The following TM7SF3 variants were observed in gnomAD, a reference collection of about 807,000 sequenced individuals.
TM7SF3 encodes the protein transmembrane 7 superfamily member 3.
A neutral mutation model predicts 65.5 loss-of-function variants in TM7SF3; 60 were observed. The observed-to-expected ratio is 0.92, with a 90% CI of 0.74 to 1.14. TM7SF3 has a LOEUF of 1.14. Among genes scored for constraint, TM7SF3 ranks in the 50% most tolerant of loss-of-function variants. TM7SF3 has a pLI of 0.00. For synonymous variants in TM7SF3, 264 were observed against 259.6 expected (o/e 1.02, Z -0.16); for missense variants, 623 against 684.8 (o/e 0.91, Z 1.01).
At chr12:26,975,813 G>T in intron 10 of TM7SF3, 155 bp from the exon 11 acceptor site, 1 of 731,534 alleles carries the variant, frequency 1.4e-6, no homozygotes, top group Non-Finnish European at 2.2e-6. Flanking sequence ...TCCCTGGAAA[G>T]ATAAACTGAA....
chr12:26,984,404 T>G (rs2136392643), intron 6 of TM7SF3, among the ~76,000 whole-genome samples: 1 of 150,848 alleles, frequency 6.6e-6, no homozygotes, highest in African/African-American at 2.4e-5. Flanking sequence ...CACTCCAGCC[T>G]GGATGTCGCA....
At chr12:27,013,246 G>T (rs1320281664) in intron 1 of TM7SF3, among the ~76,000 whole-genome samples, 1 of 152,138 alleles carries the variant, frequency 6.6e-6, no homozygotes, top group Non-Finnish European at 1.5e-5. Context: ...CTCTGTAAAC[G>T]AATTAATATC....
At chr12:26,998,084 C>T (rs913870060) in intron 3 of TM7SF3, among the ~76,000 whole-genome samples, 4 of 152,094 alleles carry the variant, frequency 2.6e-5, no homozygotes, top group South Asian at 2.1e-4. Context: ...CAACCTGCTT[C>T]GGCCTCCCAA....
intron 2 of TM7SF3, among the ~76,000 whole-genome samples, chr12:27,001,204 T>C (rs1461606860): frequency 6.6e-6 from 1 of 152,156 alleles, no homozygotes; most frequent in Non-Finnish European, 1.5e-5. Context: ...CATGTGCAGT[T>C]CTGGCCATCA....
chr12:26,988,008 A>G (rs1465322299), intron 6 of TM7SF3, among the ~76,000 whole-genome samples: 1 of 152,202 alleles, frequency 6.6e-6, no homozygotes, highest in African/African-American at 2.4e-5. Flanking sequence ...ACATTCTAAA[A>G]AAAATAAATA....
chr12:26,981,620 ACT>A (rs1939820084), intron 7 of TM7SF3, among the ~76,000 whole-genome samples: 1 of 152,114 alleles, frequency 6.6e-6, no homozygotes, highest in South Asian at 2.1e-4. Flanking sequence ...TCTTTACAAT[ACT>A]CTCTTCCCAA....
rs746160862 is a variant in TM7SF3, at chr12:26,974,155, CCTCT to C, written c.1519_1522del (p.Arg507AspfsTer21). The C allele has an allele frequency of 3.1e-6, 5 of 1,614,018 alleles. No homozygotes were observed. Among genetic ancestry groups the C allele is most frequent in the South Asian group, 1.1e-5 (1 of 91,082 alleles). On this transcript the variant is annotated frameshift_variant, in exon 12 of 12. Transcript: ENST00000343028. LOFTEE classifies it high-confidence loss of function. ...TGGGTGGGGAGGGAAGAACGGTCGT[CCTCT>C]CTCTCTTCGAATCTGTAACGTAATT...
chr12:26,996,830 C>A lies in TM7SF3; in HGVS notation c.430G>T (p.Asp144Tyr), dbSNP rs1027973629. ...TAAATGTTGGGATCAATATCTAAAT[C>A]GAACTCCAAATTACAGCCTCCAGGG... ...PVPGGCNLEF[D>Y]LDIDPNIYLE... The change falls in exon 4 of 12, where the codon GAT (aspartate) becomes TAT (tyrosine). Residue 144 changes from aspartate to tyrosine, a missense_variant. Asp to Tyr is a radical substitution (Grantham distance 160, BLOSUM62 -3). Transcript: ENST00000343028. The A allele has an allele frequency of 4.3e-6, 7 of 1,612,738 alleles. No homozygotes were observed. The East Asian group carries it at 1.3e-4, about 31-fold the overall frequency.
chr12:26,973,968 C>G lies in TM7SF3; in HGVS notation c.1710G>C (p.Leu570=), dbSNP rs747900668. The change falls in exon 12 of 12, where the codon CTG becomes CTC. Residue 570 remains leucine (L), a synonymous_variant. Coordinates refer to ENST00000343028, the MANE Select transcript of TM7SF3 (RefSeq NM_016551.3). ...QPAGERTPLL[L] Reference sequence around the variant, plus strand: ...CACTGACCAAGCCCCTGGGCATCTACAGAAGCAAAGGCGTTCTCTCTCCAG... The same window carrying G: ...CACTGACCAAGCCCCTGGGCATCTAGAGAAGCAAAGGCGTTCTCTCTCCAG... The G allele has an allele frequency of 6.2e-7, 1 of 1,613,770 alleles. No homozygotes were observed. The highest frequency in any genetic ancestry group is 1.1e-5 in the South Asian group (1 of 91,068).
intron 5 of TM7SF3, among the ~76,000 whole-genome samples, chr12:26,990,992 A>G (rs1456083673): frequency 6.6e-6 from 1 of 152,226 alleles, no homozygotes; most frequent in Non-Finnish European, 1.5e-5. Flanking sequence ...TGTACAGCCC[A>G]ATGCCTAACA....
In TM7SF3 at chr12:26,990,453, G is replaced by T; in HGVS notation, c.865C>A (p.Leu289Ile). The change falls in exon 6 of 12, where the codon CTA (leucine) becomes ATA (isoleucine). Residue 289 changes from leucine to isoleucine, a missense_variant. Physicochemically the swap from Leu to Ile is conservative, Grantham distance 5. Transcript: ENST00000343028. ...AAGTTTAAAGCCACATACTCACCTA[G>T]GGAAGCACAACTACCCTCTCCTGCC... is the stretch of plus-strand genomic sequence containing the variant. ...FEAGEGSCASLGRVSSKVFFT... is the reference protein window; with the variant it reads ...FEAGEGSCASIGRVSSKVFFT... 6.2e-7 allele frequency: 1 copy of T among 1,612,406 alleles called. No individual in the cohort carries two copies. The highest frequency in any genetic ancestry group is 1.1e-5 in the South Asian group (1 of 90,836).
At chr12:27,012,658 C>T in intron 1 of TM7SF3, 1 of 456,006 alleles carries the variant, frequency 2.2e-6, no homozygotes, top group South Asian at 1.5e-5. Flanking sequence ...AAGCACAAGA[C>T]TTACAATCTA....
intron 6 of TM7SF3, among the ~76,000 whole-genome samples, chr12:26,985,668 TATATATATATAC>T (rs1448808657): frequency 4.8e-5 from 6 of 124,182 alleles, no homozygotes; most frequent in South Asian, 2.5e-4. Flanking sequence ...TATATATATA[TATATATATATAC>T]ACACACACAA....
At chr12:26,996,230 G>C (rs1474438286) in intron 4 of TM7SF3, among the ~76,000 whole-genome samples, 1 of 151,802 alleles carries the variant, frequency 6.6e-6, no homozygotes, top group East Asian at 1.9e-4. Flanking sequence ...AACCCCTAGG[G>C]AAACTTTCTG....
chr12:27,014,163 C>A lies in TM7SF3; in HGVS notation c.6G>T (p.Gly2=), dbSNP rs200426607. 1.3e-6 allele frequency: 2 copies of A among 1,559,410 alleles called. No individual in the cohort carries two copies. The highest frequency in any genetic ancestry group is 4.8e-5 in the East Asian group (2 of 42,062). The stretch of plus-strand genomic sequence containing the variant: ...CCGCTACGACCAGCAGCTGCAGGAA[C>A]CCCATTGCTGCCTGGGCCGGGCTGG... M[G]FLQLLVVAVL... is the part of the protein sequence containing the mutation. The change falls in exon 1 of 12, where the codon GGG becomes GGT. Residue 2 remains glycine (G), a synonymous_variant. Coordinates refer to ENST00000343028, the MANE Select transcript of TM7SF3 (RefSeq NM_016551.3).
chr12:27,005,287 T>C (rs1164768960), intron 1 of TM7SF3, among the ~76,000 whole-genome samples: 2 of 152,174 alleles, frequency 1.3e-5, no homozygotes, highest in African/African-American at 4.8e-5. Flanking sequence ...TATCCTGCCT[T>C]TTCTAGTCTA....
rs372752187 is a variant in TM7SF3 at position 26,982,924 on chromosome 12, G to A, written c.869-65C>T. On this transcript the variant is annotated intron_variant, in intron 6 of 11. Transcript: ENST00000343028. ...TTGATACTTTGTATTAATATTTATA[G>A]AACGAACCTTCATCAAAAAAGCTAA... is the stretch of plus-strand genomic sequence containing the variant. 1.7e-5 allele frequency: 20 copies of A among 1,164,124 alleles called. No homozygotes were observed. The African/African-American group carries it at 3.1e-4, about 18-fold the overall frequency. 72.1% of individuals were successfully genotyped at this position (1,164,124 alleles called of 1,614,324 possible).
intron 5 of TM7SF3, among the ~76,000 whole-genome samples, chr12:26,991,640 C>T (rs1377037170): frequency 4.6e-5 from 7 of 152,204 alleles, no homozygotes; most frequent in Non-Finnish European, 8.8e-5. Flanking sequence ...CCTTCAATAA[C>T]TTGCTTCCTG....
intron 1 of TM7SF3, among the ~76,000 whole-genome samples, chr12:27,008,146 G>A (rs1941109713): frequency 6.6e-6 from 1 of 151,764 alleles, no homozygotes; most frequent in Non-Finnish European, 1.5e-5. Context: ...ACAATGTTTT[G>A]CCAATGTATA....
Sources: gnomAD v4.1 joint callset for allele counts (sites outside exome capture counted in the v4.1 genomes callset) on GRCh38, gnomAD v4.1.1 for gene constraint, MANE v1.5 for transcripts, NCBI Gene and HGNC (gene_info 2026-07-23, HGNC 2026-07-21) for gene names.